The following SLC4A8 variants were observed in gnomAD, a reference collection of about 807,000 sequenced individuals.
SLC4A8 encodes the protein solute carrier family 4 member 8.
SLC4A8 carries 40 observed loss-of-function variants against 125.0 expected under a neutral mutation model. The ratio of observed to expected loss-of-function variants is 0.32; its 90% confidence interval spans 0.25 to 0.42. The LOEUF (loss-of-function observed/expected upper bound fraction) is 0.42. Ranked by LOEUF, SLC4A8 falls within the 10% of genes least tolerant of loss-of-function variation. SLC4A8 has a pLI of 1.00. For synonymous variants in SLC4A8, 456 were observed against 476.0 expected, an observed-to-expected ratio of 0.96 and a Z score of 0.55; for missense variants, 863 against 1,355.1, an observed-to-expected ratio of 0.64 and a Z score of 5.70.
rs554554547 is a variant in SLC4A8, at chr12:51,494,951, G to A, written c.2776G>A (p.Asp926Asn). ...VSSLQGIQFF[D>N]RLKLFGMPAK... is the part of the protein sequence containing the mutation. ...GCCAGTTCCTTCCTTTCAGTTCTTTGATCGTCTAAAGCTCTTTGGGATGCC... is the reference window on the plus strand; with the variant it reads ...GCCAGTTCCTTCCTTTCAGTTCTTTAATCGTCTAAAGCTCTTTGGGATGCC... The change falls in exon 21 of 25, where the codon GAT becomes AAT. Residue 926 changes from aspartate (D) to asparagine (N), a missense_variant. Coordinates refer to ENST00000453097, the MANE Select transcript of SLC4A8 (RefSeq NM_001039960.3). The A allele has an allele frequency of 6.2e-7, 1 of 1,613,078 alleles. No homozygotes were observed. Among genetic ancestry groups the A allele is most frequent in the Non-Finnish European group, 8.5e-7 (1 of 1,179,404 alleles).
At chr12:51,413,321 G>T (rs1416014827) in intron 1 of SLC4A8, among the ~76,000 whole-genome samples, 3 of 152,018 alleles carry the variant, frequency 2.0e-5, no homozygotes, top group Non-Finnish European at 4.4e-5. Flanking sequence ...TTAATTCCTT[G>T]TTGGATGAAT....
chr12:51,398,546 T>C (rs1948310532), intron 1 of SLC4A8, among the ~76,000 whole-genome samples: 1 of 152,194 alleles, frequency 6.6e-6, no homozygotes, highest in Non-Finnish European at 1.5e-5. Flanking sequence ...AAAATTATGA[T>C]TTCTTATTTA....
chr12:51,415,516 T>C (rs568846132), intron 1 of SLC4A8, among the ~76,000 whole-genome samples: 60 of 152,234 alleles, frequency 3.9e-4, no homozygotes, highest in Non-Finnish European at 6.8e-4. Context: ...GGTTTTCCAA[T>C]TGTGAGCTTT....
At chr12:51,436,093 C>T (rs1949400499) in intron 1 of SLC4A8, among the ~76,000 whole-genome samples, 2 of 152,178 alleles carry the variant, frequency 1.3e-5, no homozygotes, top group South Asian at 4.1e-4. Flanking sequence ...CAATTTAGGA[C>T]TGCATGGCTC....
intron 5 of SLC4A8, among the ~76,000 whole-genome samples, chr12:51,455,815 G>T (rs1365401687): frequency 2.0e-5 from 3 of 152,152 alleles, no homozygotes; most frequent in African/African-American, 7.2e-5. Context: ...CACTCTGACT[G>T]CCTGGGAAAA....
In SLC4A8 at chr12:51,440,745, C is replaced by T; in HGVS notation, c.86C>T (p.Thr29Ile). ...GAAGCTGTGGTGGATCAGGGTGGGACCAGTACAATTCTCAACATTCACTAT... is the reference window on the plus strand; with the variant it reads ...GAAGCTGTGGTGGATCAGGGTGGGATCAGTACAATTCTCAACATTCACTAT... ...DEEAVVDQGGTSTILNIHYEK... is the reference protein window; with the variant it reads ...DEEAVVDQGGISTILNIHYEK... Residue 29 changes from threonine to isoleucine, a missense_variant, in exon 2 of 25, where the codon ACC (threonine) becomes ATC (isoleucine). Thr to Ile is a moderately conservative substitution (Grantham distance 89). Transcript: ENST00000453097. 1 of 1,610,368 alleles carries T rather than the reference C, an allele frequency of 6.2e-7. No homozygotes were observed. The highest frequency in any genetic ancestry group is 8.5e-7 in the Non-Finnish European group (1 of 1,178,904).
chr12:51,435,746 A>C (rs1255577213), intron 1 of SLC4A8, among the ~76,000 whole-genome samples: 2 of 152,162 alleles, frequency 1.3e-5, no homozygotes. Flanking sequence ...ATTTTTTGGC[A>C]AGAGACCCCT....
At chr12:51,485,612 C>A (rs1228730165) in intron 16 of SLC4A8, among the ~76,000 whole-genome samples, 175 bp from the exon 17 acceptor site, 1 of 152,196 alleles carries the variant, frequency 6.6e-6, no homozygotes, top group East Asian at 1.9e-4. Context: ...CATATCCACA[C>A]TTTATGAGCA....
At chr12:51,451,166 C>A in intron 3 of SLC4A8, 144 bp downstream of exon 3, 1 of 784,876 alleles carries the variant, frequency 1.3e-6, no homozygotes, top group Non-Finnish European at 1.8e-6. Context: ...GAAGAAATGC[C>A]TCTAAGAGTC....
chr12:51,397,321 A>G (rs965209760), intron 1 of SLC4A8, among the ~76,000 whole-genome samples: 1 of 152,252 alleles, frequency 6.6e-6, no homozygotes, highest in African/African-American at 2.4e-5. Flanking sequence ...TGAAATAAGC[A>G]AAACAGTTAG....
chr12:51,495,179 T>C (rs1951428822), intron 21 of SLC4A8, 61 bp downstream of exon 21: 2 of 1,392,448 alleles, frequency 1.4e-6, no homozygotes, highest in Non-Finnish European at 2.0e-6. Context: ...TGGTAAAATA[T>C]TATAACTTTA....
chr12:51,402,640 T>C, intron 1 of SLC4A8, among the ~76,000 whole-genome samples: 1 of 152,166 alleles, frequency 6.6e-6, no homozygotes, highest in South Asian at 2.1e-4. Flanking sequence ...GAGAATCTTT[T>C]GAACCTGGGA....
chr12:51,442,091 A>G (rs1028551794), intron 2 of SLC4A8, among the ~76,000 whole-genome samples: 2 of 152,136 alleles, frequency 1.3e-5, no homozygotes, highest in African/African-American at 4.8e-5. Flanking sequence ...GCAGGTAGGT[A>G]TCATTATCCC....
At chr12:51,400,726 TTATATATATATATA>T (rs869058430) in intron 1 of SLC4A8, among the ~76,000 whole-genome samples, 63 of 41,888 alleles carry the variant, frequency 1.5e-3, no homozygotes, top group South Asian at 2.7e-3. Flanking sequence ...ATGAACTCCT[TTATATATATATATA>T]TATATATATA....
chr12:51,440,692 A>AT lies in SLC4A8; in HGVS notation c.49-13dup. ...GGTATGTGTATTACTGTGACTACTT[A>AT]TTTGTGTTTAAACAGAGACCAGATG... On this transcript the variant is annotated splice_polypyrimidine_tract_variant and intron_variant, in intron 1 of 24. Transcript: ENST00000453097. 1 of 1,604,564 alleles carries AT rather than the reference A, an allele frequency of 6.2e-7. No homozygotes were observed. The highest frequency in any genetic ancestry group is 1.1e-5 in the South Asian group (1 of 90,084).
Position 51,416,219 on chromosome 12 carries a change from T to G in SLC4A8, c.-111-24489T>G, listed in dbSNP as rs540681063. ...TTTGATGGAGGTCTTTTGTTTTTTT[T>G]TTTTTTTTTTTTTGAGAATTTGTGT... On this transcript the variant is annotated intron_variant, in intron 1 of 24. Coordinates refer to the SLC4A8 transcript ENST00000358657. Among the ~76,000 whole-genome samples, 23 of 149,768 alleles carry G rather than the reference T, an allele frequency of 1.5e-4. No individual in the cohort carries two copies. In the South Asian group the frequency reaches 2.5e-3, roughly 16 times the overall value.
At chr12:51,471,097 C>T (rs889038456) in intron 13 of SLC4A8, among the ~76,000 whole-genome samples, 190 bp from the exon 14 acceptor site, 2 of 152,006 alleles carry the variant, frequency 1.3e-5, no homozygotes, top group East Asian at 1.9e-4. Context: ...CGTATCCTTG[C>T]GCATATCCTG....
intron 16 of SLC4A8, chr12:51,480,681 A>C: frequency 1.0e-6 from 1 of 970,224 alleles, no homozygotes. Context: ...AATTTGGCTC[A>C]GATTGGGAAT....
Position 51,440,961 on chromosome 12 carries a change from A to C in SLC4A8, c.130+172A>C, listed in dbSNP as rs887979641. The C allele has an allele frequency of 3.1e-6, 3 of 967,198 alleles. No homozygotes were observed. In the Admixed American group the frequency reaches 1.1e-4, roughly 35 times the overall value. 59.9% of individuals were successfully genotyped at this position (967,198 alleles called of 1,614,324 possible). On this transcript the variant is annotated intron_variant, in intron 2 of 24. Transcript: ENST00000453097. ...GGTAAATAAAAGTGGGGATACTAAT[A>C]CTTGTCCTACCTTACAGGGATATCA...
Sources: gnomAD v4.1 joint callset for allele counts (sites outside exome capture counted in the v4.1 genomes callset) on GRCh38, gnomAD v4.1.1 for gene constraint, MANE v1.5 for transcripts, NCBI Gene and HGNC (gene_info 2026-07-23, HGNC 2026-07-21) for gene names.